The following WASHC5 variants were observed in gnomAD, a reference collection of about 807,000 sequenced individuals.
WASHC5 encodes the protein WASH complex subunit strumpellin.
In WASHC5, 101 loss-of-function variants were observed where a neutral mutation model predicts 150.4. The observed-to-expected ratio is 0.67, with a 90% confidence interval of 0.57 to 0.79. The LOEUF (loss-of-function observed/expected upper bound fraction) is 0.79, where lower values mean the gene tolerates loss of function less well. Ranked by LOEUF, WASHC5 falls within the 30% of genes least tolerant of loss-of-function variation. WASHC5 has a pLI of 0.00. For missense variants in WASHC5, 1,195 were observed against 1,396.3 expected, an observed-to-expected ratio of 0.86 and a Z score of 2.30; for synonymous variants, 467 against 491.2, an observed-to-expected ratio of 0.95 and a Z score of 0.65.
In WASHC5 at chr8:125,072,995, C is replaced by T. The variant is rs79211619; in HGVS notation, c.1150+158G>A. Among the ~76,000 whole-genome samples, 5,649 of 152,246 alleles carry T rather than the reference C, an allele frequency of 0.037. 345 individuals are homozygous for T. The highest frequency in any genetic ancestry group is 0.13 in the African/African-American group (5,347 of 41,532). On this transcript the variant is annotated intron_variant, in intron 9 of 28. Transcript: ENST00000318410. ...GAGAGCTTTTCAGGTATGCTAGTGG[C>T]CTATCCAAGTTGACAAAAAATGACT... is the stretch of plus-strand genomic sequence containing the variant.
Position 125,079,985 on chromosome 8 carries a change from A to G in WASHC5, c.519-1055T>C, listed in dbSNP as rs535213192. On this transcript the variant is annotated intron_variant, in intron 5 of 28. Coordinates refer to ENST00000318410, the MANE Select transcript of WASHC5 (RefSeq NM_014846.4). Reference sequence around the variant, plus strand: ...AAATATTATGTCAATTTAAAGTAAAATATATCTAACTTTTTTCTTGGCAAG... The same window carrying G: ...AAATATTATGTCAATTTAAAGTAAAGTATATCTAACTTTTTTCTTGGCAAG... Among the ~76,000 whole-genome samples, 62 of 152,364 alleles carry G rather than the reference A, an allele frequency of 4.1e-4. 1 individual carries two copies. The highest frequency in any genetic ancestry group is 3.4e-3 in the Middle Eastern group (1 of 294).
Position 125,037,201 on chromosome 8 carries a change from T to C in WASHC5, c.3181+36A>G, listed in dbSNP as rs2272682. The C allele has an allele frequency of 0.093, 106,408 of 1,143,800 alleles. 9,518 individuals are homozygous for C. Among genetic ancestry groups the C allele is most frequent in the African/African-American group, 0.41 (27,135 of 65,922 alleles). 70.9% of individuals were successfully genotyped at this position (1,143,800 alleles called of 1,614,324 possible). On this transcript the variant is annotated intron_variant, in intron 26 of 28. Coordinates refer to ENST00000318410, the MANE Select transcript of WASHC5 (RefSeq NM_014846.4). ...TTAGTTAAATGTTAATCTGTTGGTA[T>C]TGTTACTCATTGCAAATAATAAATG...
intron 27 of WASHC5, among the ~76,000 whole-genome samples, chr8:125,028,953 C>G (rs1057509397): frequency 3.9e-5 from 6 of 152,040 alleles, no homozygotes; most frequent in African/African-American, 1.4e-4. Context: ...ACGATCCCTG[C>G]TATCTATCCA....
chr8:125,033,589 C>A (rs891292943), intron 26 of WASHC5, among the ~76,000 whole-genome samples: 2 of 151,230 alleles, frequency 1.3e-5, no homozygotes, highest in African/African-American at 4.9e-5. Flanking sequence ...CACTATGTCA[C>A]CTAGGCTGGA....
chr8:125,056,862 A>G, intron 15 of WASHC5, 45 bp from the exon 16 acceptor site: 3 of 1,613,138 alleles, frequency 1.9e-6, no homozygotes, highest in Non-Finnish European at 2.5e-6. Flanking sequence ...CATCTGTTTT[A>G]CTTTTCTTGG....
At chr8:125,088,958 C>A (rs936799859) in intron 1 of WASHC5, among the ~76,000 whole-genome samples, 1 of 151,984 alleles carries the variant, frequency 6.6e-6, no homozygotes, top group South Asian at 2.1e-4. Flanking sequence ...CAGCTAGGGG[C>A]GGAAACAGAA....
intron 1 of WASHC5, among the ~76,000 whole-genome samples, chr8:125,085,187 T>C (rs1817385430): frequency 6.6e-6 from 1 of 152,214 alleles, no homozygotes; most frequent in Admixed American, 6.5e-5. Flanking sequence ...AGTGTGTCTT[T>C]ACAATAAAGA....
intron 5 of WASHC5, among the ~76,000 whole-genome samples, chr8:125,081,403 A>G (rs1255277126): frequency 6.6e-6 from 1 of 151,930 alleles, no homozygotes; most frequent in East Asian, 1.9e-4. Context: ...GTGCCTGGCT[A>G]ATTTTTGTAG....
intron 28 of WASHC5, among the ~76,000 whole-genome samples, chr8:125,025,547 G>T (rs1815354168): frequency 6.6e-6 from 1 of 152,036 alleles, no homozygotes; most frequent in Non-Finnish European, 1.5e-5. Flanking sequence ...AATCAGCAGG[G>T]CGTGGTGGTA....
Position 125,076,355 on chromosome 8 carries a change from T to C in WASHC5, c.857A>G (p.Asp286Gly). 6.2e-7 allele frequency: 1 copy of C among 1,613,974 alleles called. No homozygotes were observed. Among genetic ancestry groups the C allele is most frequent in the East Asian group, 2.2e-5 (1 of 44,870 alleles). Residue 286 changes from aspartate (D) to glycine (G), a missense_variant, in exon 7 of 29, where the codon GAT (aspartate) becomes GGT (glycine). Asp to Gly is a moderately conservative substitution (Grantham distance 94). Around this residue, in one of 3 missense-constraint regions of WASHC5, gnomAD observed 997 missense variants for 1,168.1 expected, o/e 0.85. Coordinates refer to ENST00000318410, the MANE Select transcript of WASHC5 (RefSeq NM_014846.4). ...MREIVDKYFP[D>G]NWVISIYMGI... ...AAAATTAGCAATACTTGCCCAATTATCTGGAAAGTATTTATCCACTATCTC... is the reference window on the plus strand; with the variant it reads ...AAAATTAGCAATACTTGCCCAATTACCTGGAAAGTATTTATCCACTATCTC...
chr8:125,080,332 T>C (rs1239868441), intron 5 of WASHC5, among the ~76,000 whole-genome samples: 4 of 152,196 alleles, frequency 2.6e-5, no homozygotes, highest in African/African-American at 7.2e-5. Context: ...CTCAGAAATA[T>C]AGGAAAGGCC....
At chr8:125,074,712 T>A (rs1817001002) in intron 8 of WASHC5, among the ~76,000 whole-genome samples, 1 of 152,230 alleles carries the variant, frequency 6.6e-6, no homozygotes, top group Non-Finnish European at 1.5e-5. Flanking sequence ...GAGAATATAG[T>A]CTTTAAGCAA....
intron 9 of WASHC5, among the ~76,000 whole-genome samples, chr8:125,068,799 T>C (rs1287385232): frequency 6.6e-6 from 1 of 152,210 alleles, no homozygotes. Context: ...GGTCACAAAA[T>C]TAGGCAGTGA....
Position 125,083,269 on chromosome 8 carries a change from A to C in WASHC5, c.187-11T>G. On this transcript the variant is annotated splice_polypyrimidine_tract_variant and intron_variant, in intron 2 of 28. Transcript: ENST00000318410. Reference sequence around the variant, plus strand: ...CCATAATTCTGGACCCTGAGAAAAAAAAACACATGTGAAATGTCAATAAAA... The same window carrying C: ...CCATAATTCTGGACCCTGAGAAAAACAAACACATGTGAAATGTCAATAAAA... The C allele has an allele frequency of 6.2e-7, 1 of 1,611,426 alleles. No individual in the cohort carries two copies. Among genetic ancestry groups the C allele is most frequent in the Non-Finnish European group, 8.5e-7 (1 of 1,178,292 alleles).
At chr8:125,039,674 C>G (rs1815828050) in intron 24 of WASHC5, 121 bp downstream of exon 24, 5 of 716,144 alleles carry the variant, frequency 7.0e-6, no homozygotes, top group African/African-American at 5.3e-5. Context: ...GGCAAGGAAG[C>G]CTGTAAATTC....
intron 2 of WASHC5, 55 bp downstream of exon 2, chr8:125,083,658 G>A (rs988787837): frequency 7.8e-6 from 11 of 1,414,388 alleles, no homozygotes; most frequent in African/African-American, 1.4e-5. Flanking sequence ...GGTTCCCAGA[G>A]AAAACACGCT....
chr8:125,059,349 C>T, intron 13 of WASHC5, 27 bp downstream of exon 13: 3 of 1,613,968 alleles, frequency 1.9e-6, no homozygotes, highest in Non-Finnish European at 2.5e-6. Flanking sequence ...CTTTCATCTA[C>T]AGCAAATGTC....
At chr8:125,053,035 T>C (rs1816290187) in intron 17 of WASHC5, among the ~76,000 whole-genome samples, 3 of 152,192 alleles carry the variant, frequency 2.0e-5, no homozygotes, top group Middle Eastern at 3.4e-3. Flanking sequence ...AATACTATAC[T>C]GAAAGTGAAA....
Position 125,024,496 on chromosome 8 carries a change from CCAT to C in WASHC5, c.*118_*120del. On this transcript the variant is annotated 3_prime_UTR_variant, in exon 29 of 29. Coordinates refer to ENST00000318410, the MANE Select transcript of WASHC5 (RefSeq NM_014846.4). ...TCTTACTCAGAACGTCTGATGTTTC[CCAT>C]AATAGACAGAAAAAATGCAGTTGTA... is the stretch of plus-strand genomic sequence containing the variant. 1.3e-6 allele frequency: 1 copy of C among 764,676 alleles called. No individual in the cohort carries two copies. Among genetic ancestry groups the C allele is most frequent in the South Asian group, 1.4e-5 (1 of 70,280 alleles). The allele number at this position is 764,676 out of a possible 1,614,324, so 47.4% of individuals were successfully genotyped here.
Sources: allele counts gnomAD v4.1 joint callset (sites outside exome capture counted in the v4.1 genomes callset), GRCh38; gene constraint gnomAD v4.1.1; regional missense constraint gnomAD v4.1.1; transcripts MANE v1.5; gene names NCBI Gene and HGNC (gene_info 2026-07-23, HGNC 2026-07-21).